GLB1: variants seen among roughly 807,000 people sequenced by gnomAD.
The protein encoded by GLB1 is galactosidase beta 1.
GLB1 carries 56 observed loss-of-function variants against 74.0 expected under a neutral mutation model. That is an observed-to-expected ratio of 0.76 (90% CI 0.61 to 0.94). The LOEUF (loss-of-function observed/expected upper bound fraction) is 0.94, where lower values mean the gene tolerates loss of function less well. Ranked by LOEUF, GLB1 falls within the 40% of genes least tolerant of loss-of-function variation. The pLI, the probability that GLB1 is intolerant of heterozygous loss-of-function variation, is 0.00. For synonymous variants in GLB1, 323 were observed against 323.6 expected, an observed-to-expected ratio of 1.00 and a Z score of 0.02; for missense variants, 787 against 845.5, an observed-to-expected ratio of 0.93 and a Z score of 0.86.
chr3:33,074,967 C>T (rs1225292731), intron 1 of GLB1, among the ~76,000 whole-genome samples: 1 of 152,202 alleles, frequency 6.6e-6, no homozygotes, highest in African/African-American at 2.4e-5. Context: ...AAGTGAATTA[C>T]ATCTCAATAA....
At chr3:33,029,936 C>T (rs2125488394) in intron 10 of GLB1, 1 of 147,734 alleles carries the variant, frequency 6.8e-6, no homozygotes, top group Admixed American at 6.9e-5. Flanking sequence ...TGCACATGTA[C>T]CCATGAACCT....
chr3:33,061,462 G>T (rs1699439752), intron 5 of GLB1, among the ~76,000 whole-genome samples: 1 of 152,096 alleles, frequency 6.6e-6, no homozygotes, highest in Non-Finnish European at 1.5e-5. Flanking sequence ...AGGTGTTGCA[G>T]CCATAGAGGT....
chr3:33,047,153 CAG>C (rs1365281227), intron 9 of GLB1, among the ~76,000 whole-genome samples: 1 of 152,224 alleles, frequency 6.6e-6, no homozygotes, highest in Non-Finnish European at 1.5e-5. Context: ...CAGGTAATCT[CAG>C]AGTCTGTTTC....
intron 1 of GLB1, among the ~76,000 whole-genome samples, chr3:33,076,718 G>A (rs1418242150): frequency 6.6e-6 from 1 of 152,180 alleles, no homozygotes; most frequent in Non-Finnish European, 1.5e-5. Context: ...ATGACTACGT[G>A]TATATTAACA....
chr3:33,094,024 T>A (rs765486002), intron 1 of GLB1: 1 of 1,614,202 alleles, frequency 6.2e-7, no homozygotes, highest in Non-Finnish European at 8.5e-7. Flanking sequence ...AGGGAGCCAA[T>A]GAGCAAGAGC....
intron 15 of GLB1, among the ~76,000 whole-genome samples, chr3:33,004,106 C>T (rs1442129949): frequency 2.6e-5 from 4 of 152,234 alleles, no homozygotes; most frequent in South Asian, 2.1e-4. Flanking sequence ...GGCCAAACAA[C>T]GTGGAAGAAG....
At chr3:32,995,103 A>AT (rs1422839710), downstream of GLB1, among the ~76,000 whole-genome samples, 1 of 152,032 alleles carries the variant, frequency 6.6e-6, no homozygotes, top group Non-Finnish European at 1.5e-5. Context: ...AGTTTTAAAT[A>AT]TTTTCAATTG....
At chr3:33,033,975 A>G (rs1294280664) in intron 10 of GLB1, 2 of 555,918 alleles carry the variant, frequency 3.6e-6, no homozygotes, top group Non-Finnish European at 7.2e-6. Flanking sequence ...AAATCCGTCA[A>G]AATCTTCAAA....
chr3:32,973,548 C>G, the GLB1 span, among the ~76,000 whole-genome samples: 1 of 151,956 alleles, frequency 6.6e-6, no homozygotes. Context: ...TTGCCACATT[C>G]GAGACCAGGC....
intron 1 of GLB1, among the ~76,000 whole-genome samples, chr3:33,086,484 CAA>C (rs1235399861): frequency 6.6e-6 from 1 of 152,178 alleles, no homozygotes; most frequent in Non-Finnish European, 1.5e-5. Context: ...CAACAATCAC[CAA>C]TGACTGCTGA....
chr3:33,091,870 C>T, intron 1 of GLB1: 11 of 985,442 alleles, frequency 1.1e-5, no homozygotes, highest in Non-Finnish European at 1.3e-5. Flanking sequence ...TGCTTATCTC[C>T]ATCTCAGGAT....
intron 9 of GLB1, among the ~76,000 whole-genome samples, chr3:33,049,996 T>C (rs1050157633): frequency 2.0e-5 from 3 of 152,174 alleles, no homozygotes; most frequent in African/African-American, 7.2e-5. Flanking sequence ...TCCTGAGAGA[T>C]TTAGGCCCAA....
intron 10 of GLB1, among the ~76,000 whole-genome samples, chr3:33,044,913 G>C (rs1166014374): frequency 6.6e-6 from 1 of 152,176 alleles, no homozygotes; most frequent in Non-Finnish European, 1.5e-5. Flanking sequence ...TACAACGCTA[G>C]CAGGACTAAG....
Position 33,018,562 on chromosome 3 carries a change from C to T in GLB1, c.1234-1G>A. 6.2e-7 allele frequency: 1 copy of T among 1,613,988 alleles called. No homozygotes were observed. The highest frequency in any genetic ancestry group is 8.5e-7 in the Non-Finnish European group (1 of 1,179,998). On this transcript the variant is annotated splice_acceptor_variant, in intron 12 of 15. Coordinates refer to ENST00000307363, the MANE Select transcript of GLB1 (RefSeq NM_000404.4). LOFTEE classifies it high-confidence loss of function. ...TCCGGTACAGCACAAACCCATAATG[C>T]TGGTTAGAAAAGGATTTAAGAAAAA... is the stretch of plus-strand genomic sequence containing the variant.
intron 1 of GLB1, chr3:33,092,068 T>G: frequency 1.0e-6 from 1 of 985,322 alleles, no homozygotes; most frequent in African/African-American, 1.7e-5. Flanking sequence ...CCCCGAAGGG[T>G]TGTATAAAAT....
intron 15 of GLB1, among the ~76,000 whole-genome samples, chr3:33,013,698 A>G (rs964345054): frequency 4.6e-5 from 7 of 152,152 alleles, no homozygotes; most frequent in Non-Finnish European, 8.8e-5. Context: ...GGCATAAATG[A>G]AAACCAGACA....
At chr3:32,985,515 C>A in the GLB1 span, among the ~76,000 whole-genome samples, 1 of 152,098 alleles carries the variant, frequency 6.6e-6, no homozygotes, top group Admixed American at 6.6e-5. Flanking sequence ...TGGTCTCGAA[C>A]TCCAGACCTC....
chr3:33,071,913 T>C (rs1042973483), intron 2 of GLB1, among the ~76,000 whole-genome samples: 1 of 152,168 alleles, frequency 6.6e-6, no homozygotes, highest in African/African-American at 2.4e-5. Context: ...GAAGAATCTG[T>C]TGAGGCAGGC....
chr3:33,053,591 T>C, intron 6 of GLB1, 42 bp from the exon 7 acceptor site: 1 of 1,613,540 alleles, frequency 6.2e-7, no homozygotes, highest in Non-Finnish European at 8.5e-7. Context: ...GTCGTGGAAA[T>C]GACAAGAAGT....
Sources: gnomAD v4.1 joint callset for allele counts (sites outside exome capture counted in the v4.1 genomes callset) on GRCh38, gnomAD v4.1.1 for gene constraint, MANE v1.5 for transcripts, NCBI Gene and HGNC (gene_info 2026-07-23, HGNC 2026-07-21) for gene names.